ADGRA2: variants seen among roughly 807,000 people sequenced by gnomAD.
ADGRA2 encodes the protein G-protein coupled receptor 124.
ADGRA2 carries 61 observed loss-of-function variants against 98.7 expected under a neutral mutation model. That is an observed-to-expected ratio of 0.62 (90% CI 0.50 to 0.76). The LOEUF (loss-of-function observed/expected upper bound fraction) is 0.76, where lower values mean the gene tolerates loss of function less well. ADGRA2 is among the 30% of genes least tolerant of loss of function. ADGRA2 has a pLI of 0.00. For missense variants in ADGRA2, 1,712 were observed against 1,860.0 expected (o/e 0.92, Z 1.46); for synonymous variants, 858 against 831.5 (o/e 1.03, Z -0.55).
chr8:37,817,827 G>A lies in ADGRA2; in HGVS notation c.338+2860G>A, dbSNP rs543750796. Among the ~76,000 whole-genome samples the A allele has an allele frequency of 4.6e-3, 708 of 152,298 alleles. 8 individuals carry two copies. The highest frequency in any genetic ancestry group is 0.016 in the African/African-American group (684 of 41,562). On this transcript the variant is annotated intron_variant, in intron 2 of 18. Transcript: ENST00000412232. ...AGGTTAGGAGTTCGAGACCAGCCTGGCCAACATGGTGAAACCCTGTCTCTA... is the reference window on the plus strand; with the variant it reads ...AGGTTAGGAGTTCGAGACCAGCCTGACCAACATGGTGAAACCCTGTCTCTA...
In ADGRA2 at chr8:37,829,508, TCTC is replaced by T; in HGVS notation, c.505_507del (p.Ser170del). On this transcript the variant is annotated inframe_deletion, in exon 5 of 19. Transcript: ENST00000412232. ...TGCAGAAACATATCTGGAAACATCT[TCTC>T]CAGTCTGCAACCTGGGGTCTTTGAT... 1 of 1,613,676 alleles carries T rather than the reference TCTC, an allele frequency of 6.2e-7. No homozygotes were observed. The highest frequency in any genetic ancestry group is 8.5e-7 in the Non-Finnish European group (1 of 1,179,622).
At chr8:37,840,903 C>A in intron 18 of ADGRA2, 54 bp downstream of exon 18, 1 of 880,216 alleles carries the variant, frequency 1.1e-6, no homozygotes, top group Non-Finnish European at 1.7e-6. Context: ...CAGATGCCTT[C>A]CACTCCACTG....
chr8:37,827,978 A>AT (rs1563346671), intron 2 of ADGRA2, among the ~76,000 whole-genome samples: 5 of 146,334 alleles, frequency 3.4e-5, no homozygotes, highest in African/African-American at 5.0e-5. Flanking sequence ...TACCAAAAAA[A>AT]ATTTTTTTTT....
intron 2 of ADGRA2, among the ~76,000 whole-genome samples, chr8:37,822,199 AG>A (rs1318981558): frequency 2.6e-5 from 4 of 152,146 alleles, no homozygotes; most frequent in Non-Finnish European, 5.9e-5. Context: ...CTATACCTGC[AG>A]GGTGTCCTGG....
chr8:37,828,995 C>T (rs79164163), intron 3 of ADGRA2, 36 bp downstream of exon 3: 1 of 1,456,366 alleles, frequency 6.9e-7, no homozygotes, highest in Admixed American at 2.1e-5. Context: ...CCACCCCTCC[C>T]CTCCCGAGGG....
intron 2 of ADGRA2, among the ~76,000 whole-genome samples, chr8:37,826,220 C>T (rs1245592015): frequency 3.9e-5 from 6 of 152,190 alleles, no homozygotes; most frequent in East Asian, 1.9e-4. Flanking sequence ...CCGTCCCCCA[C>T]GTGGGGGTGG....
chr8:37,828,919 C>A lies in ADGRA2; in HGVS notation c.370C>A (p.Gln124Lys). 1 of 1,593,548 alleles carries A rather than the reference C, an allele frequency of 6.3e-7. No individual in the cohort carries two copies. Among genetic ancestry groups the A allele is most frequent in the Non-Finnish European group, 8.5e-7 (1 of 1,170,974 alleles). Residue 124 changes from glutamine (Q) to lysine (K), a missense_variant, in exon 3 of 19, where the codon CAG becomes AAG. Transcript: ENST00000412232. ...DLRNNIISTV[Q>K]PGAFLGLGEL... ...GAGGAACAACATCATCAGCACAGTG[C>A]AGCCGGGCGCCTTCCTGGGCCTGGG...
intron 4 of ADGRA2, 60 bp from the exon 5 acceptor site, chr8:37,829,428 T>C: frequency 6.5e-7 from 1 of 1,540,856 alleles, no homozygotes; most frequent in Non-Finnish European, 9.0e-7. Context: ...CCACCTGCTC[T>C]CCTCCGCCGG....
intron 1 of ADGRA2, among the ~76,000 whole-genome samples, chr8:37,798,336 C>T (rs533425964): frequency 6.6e-6 from 1 of 152,336 alleles, no homozygotes; most frequent in East Asian, 1.9e-4. Flanking sequence ...GTTCCCTCAC[C>T]GCAGCCCACC....
At chr8:37,824,984 G>A (rs937945277) in intron 2 of ADGRA2, among the ~76,000 whole-genome samples, 7 of 152,176 alleles carry the variant, frequency 4.6e-5, no homozygotes, top group Non-Finnish European at 7.3e-5. Flanking sequence ...CAACGGCATA[G>A]GGCATGATTT....
intron 1 of ADGRA2, among the ~76,000 whole-genome samples, chr8:37,803,463 C>T (rs141705516): frequency 4.6e-5 from 7 of 152,320 alleles, no homozygotes; most frequent in Non-Finnish European, 1.0e-4. Context: ...ATCCGCTAAC[C>T]GCTAGGAAGG....
Position 37,841,342 on chromosome 8 carries a change from A to C in ADGRA2, c.3004A>C (p.Thr1002Pro), listed in dbSNP as rs747422034. The C allele has an allele frequency of 6.2e-7, 1 of 1,605,498 alleles. No individual in the cohort carries two copies. The highest frequency in any genetic ancestry group is 2.2e-5 in the East Asian group (1 of 44,572). ...TGCTACTGGGAGCGCGCGAGTGGGG[A>C]CGCCCGGGCCCCCGGAGGATGGTGA... ...LLATGSARVG[T>P]PGPPEDGDSL... Residue 1002 changes from threonine (T) to proline (P), a missense_variant, in exon 19 of 19, where the codon ACG becomes CCG. By Grantham distance (38) the Thr-to-Pro change is conservative. Transcript: ENST00000412232. The surrounding 1 kb of genome is among the most constrained non-coding windows in gnomAD (Gnocchi z 5.0).
At position 37,828,984 on chromosome 8, in the gene ADGRA2, C is replaced by G. The variant is rs367794199; in HGVS notation, c.410+25C>G. 8 of 1,496,552 alleles carry G rather than the reference C, an allele frequency of 5.3e-6. No individual in the cohort carries two copies. In the South Asian group the frequency reaches 1.0e-4, roughly 19 times the overall value. The allele number at this position is 1,496,552 out of a possible 1,614,324, so 92.7% of individuals were successfully genotyped here. On this transcript the variant is annotated intron_variant, in intron 3 of 18. Transcript: ENST00000412232. ...TGTGAGTGGCACGCCCTCCCCTGAC[C>G]CCACCCCTCCCCTCCCGAGGGAGAA...
At chr8:37,836,628 C>T (rs966850382) in intron 13 of ADGRA2, among the ~76,000 whole-genome samples, 3 of 152,180 alleles carry the variant, frequency 2.0e-5, no homozygotes, top group African/African-American at 7.2e-5. Flanking sequence ...ACGCTGACAC[C>T]AGCCCATCTC....
At chr8:37,820,636 C>T (rs775726481) in intron 2 of ADGRA2, among the ~76,000 whole-genome samples, 34 of 152,256 alleles carry the variant, frequency 2.2e-4, no homozygotes, top group African/African-American at 8.2e-4. Context: ...ATGAGCAGCA[C>T]GTCCAGTGGG....
intron 13 of ADGRA2, among the ~76,000 whole-genome samples, chr8:37,837,017 C>A (rs990908095): frequency 1.3e-5 from 2 of 152,320 alleles, no homozygotes; most frequent in East Asian, 1.9e-4. Flanking sequence ...GCAGAGAGGA[C>A]AGGCAGTGGA....
At chr8:37,837,587 C>T in intron 13 of ADGRA2, 144 bp from the exon 14 acceptor site, 1 of 698,886 alleles carries the variant, frequency 1.4e-6, no homozygotes, top group Non-Finnish European at 2.5e-6. Context: ...TGGCATCTCA[C>T]CGCATGCCCC....
Position 37,833,170 on chromosome 8 carries a change from A to G in ADGRA2, c.1258A>G (p.Thr420Ala). 1 of 1,613,094 alleles carries G rather than the reference A, an allele frequency of 6.2e-7. No individual in the cohort carries two copies. The highest frequency in any genetic ancestry group is 1.1e-5 in the South Asian group (1 of 91,058). Residue 420 changes from threonine (T) to alanine (A), a missense_variant, in exon 9 of 19, where the codon ACC (threonine) becomes GCC (alanine). Physicochemically the swap from Thr to Ala is moderately conservative, Grantham distance 58. Transcript: ENST00000412232. The stretch of plus-strand genomic sequence containing the variant: ...AGGGGACTACTCCCACTGTCTCTAC[A>G]CCAACGACATCACCAGGGTGCTGTA... Reference protein sequence around the residue: ...EPGDYSHCLYTNDITRVLYTF... With the variant: ...EPGDYSHCLYANDITRVLYTF...
At position 37,833,655 on chromosome 8, in the gene ADGRA2, C is replaced by G. The variant is rs370602827; in HGVS notation, c.1297-33C>G. On this transcript the variant is annotated intron_variant, in intron 9 of 18. Transcript: ENST00000412232. ...GCAGTTCGGGGGCAGAAGGAACAGG[C>G]GAGATGATCCTCTCTCTTCCCCCAA... 5.0e-6 allele frequency: 8 copies of G among 1,609,438 alleles called. No homozygotes were observed. In the African/African-American group the frequency reaches 1.1e-4, roughly 22 times the overall value.
Sources: allele counts gnomAD v4.1 joint callset (sites outside exome capture counted in the v4.1 genomes callset), GRCh38; gene constraint gnomAD v4.1.1; non-coding constraint Gnocchi (gnomAD v3.1); transcripts MANE v1.5; gene names NCBI Gene and HGNC (gene_info 2026-07-23, HGNC 2026-07-21).